Variants in THSD7B observed in about 807,000 individuals in gnomAD.
THSD7B encodes thrombospondin type 1 domain containing 7B, also known as thrombospondin type-1 domain-containing protein 7B.
A neutral mutation model predicts 213.6 loss-of-function variants in THSD7B; 138 were observed. That is an observed-to-expected ratio of 0.65 (90% confidence interval 0.56 to 0.74). The LOEUF is 0.74. Among genes scored for constraint, THSD7B ranks in the 30% least tolerant of loss-of-function variants. The pLI is 0.00. For missense variants in THSD7B, 1,931 were observed against 1,991.5 expected (o/e 0.97, Z 0.58); for synonymous variants, 742 against 687.0 (o/e 1.08, Z -1.25).
At chr2:136,783,949 T>A (rs1043422387) in intron 1 of THSD7B, among the ~76,000 whole-genome samples, 3 of 152,200 alleles carry the variant, frequency 2.0e-5, no homozygotes, top group African/African-American at 7.2e-5. Flanking sequence ...AGAGTTTCCT[T>A]GAGAGAACTT....
At chr2:137,636,813 C>T (rs563053874) in intron 20 of THSD7B, among the ~76,000 whole-genome samples, 1 of 152,260 alleles carries the variant, frequency 6.6e-6, no homozygotes, top group East Asian at 1.9e-4. Context: ...AATGCCCATT[C>T]CAGGCCTCTC....
chr2:136,872,001 T>G (rs1039829847), intron 1 of THSD7B, among the ~76,000 whole-genome samples: 1 of 152,042 alleles, frequency 6.6e-6, no homozygotes, highest in Admixed American at 6.5e-5. Context: ...TGGTTTCTCC[T>G]ATGTTCACGT....
chr2:137,276,088 A>G, intron 12 of THSD7B, 62 bp downstream of exon 12: 2 of 1,180,580 alleles, frequency 1.7e-6, no homozygotes, highest in Non-Finnish European at 2.4e-6. Flanking sequence ...TGTAACTCAT[A>G]TGTGTTGCTT....
chr2:137,000,218 C>G (rs1260095230), intron 2 of THSD7B, among the ~76,000 whole-genome samples: 1 of 152,094 alleles, frequency 6.6e-6, no homozygotes, highest in African/African-American at 2.4e-5. Flanking sequence ...CTGAGTCCCT[C>G]CTCCTTCACC....
intron 20 of THSD7B, among the ~76,000 whole-genome samples, chr2:137,630,971 C>T (rs1196335311): frequency 6.6e-6 from 1 of 152,146 alleles, no homozygotes; most frequent in African/African-American, 2.4e-5. Context: ...TGCTAGATGT[C>T]CCTGATGCTT....
At chr2:137,256,713 A>G (rs747305163) in intron 10 of THSD7B, among the ~76,000 whole-genome samples, 1 of 152,240 alleles carries the variant, frequency 6.6e-6, no homozygotes, top group Non-Finnish European at 1.5e-5. Flanking sequence ...AAAATAGTAT[A>G]GAAAATAATG....
intron 26 of THSD7B, among the ~76,000 whole-genome samples, chr2:137,665,356 G>A (rs1444610472): frequency 2.0e-5 from 3 of 152,068 alleles, no homozygotes; most frequent in Non-Finnish European, 2.9e-5. Context: ...ATATGTGTGA[G>A]TATATGTGTG....
At chr2:136,864,853 A>AT (rs1553454076) in intron 1 of THSD7B, among the ~76,000 whole-genome samples, 5 of 152,164 alleles carry the variant, frequency 3.3e-5, no homozygotes, top group Non-Finnish European at 7.3e-5. Context: ...TGCCTGGCCT[A>AT]TTTTTATACT....
rs149623517 is a variant in THSD7B at position 137,316,072 on chromosome 2, A to G, written c.2500+40046A>G. ...TAGTCTTTGATATCATCACAGAATT[A>G]TTACTTGGGTAATACAATTACTTCA... On this transcript the variant is annotated intron_variant, in intron 12 of 27. Transcript: ENST00000409968. Among the ~76,000 whole-genome samples the G allele has an allele frequency of 8.4e-3, 1,274 of 152,318 alleles. 5 individuals are homozygous for G. The highest frequency in any genetic ancestry group is 0.016 in the Admixed American group (247 of 15,310).
At chr2:137,524,624 G>T (rs916801931) in intron 15 of THSD7B, among the ~76,000 whole-genome samples, 1 of 152,152 alleles carries the variant, frequency 6.6e-6, no homozygotes, top group Admixed American at 6.5e-5. Flanking sequence ...CTTAGGTTTT[G>T]CTTTGTTTTG....
chr2:136,947,518 G>A (rs1684964565), intron 2 of THSD7B, among the ~76,000 whole-genome samples: 1 of 152,186 alleles, frequency 6.6e-6, no homozygotes, highest in South Asian at 2.1e-4. Context: ...CTGGAGGAAA[G>A]AGAGCTTAAA....
At chr2:137,028,721 G>C (rs1339578840) in intron 2 of THSD7B, among the ~76,000 whole-genome samples, 1 of 152,186 alleles carries the variant, frequency 6.6e-6, no homozygotes, top group Non-Finnish European at 1.5e-5. Context: ...GGACGCTCAA[G>C]GTGGGCAACC....
intron 12 of THSD7B, among the ~76,000 whole-genome samples, chr2:137,290,522 A>C (rs954885554): frequency 6.6e-6 from 1 of 150,522 alleles, no homozygotes; most frequent in African/African-American, 2.5e-5. Flanking sequence ...GAAACCTTAC[A>C]TGGCATCATT....
chr2:137,051,897 C>CA (rs1179522458), intron 2 of THSD7B, among the ~76,000 whole-genome samples: 3 of 152,124 alleles, frequency 2.0e-5, no homozygotes, highest in Admixed American at 6.5e-5. Context: ...TTCAGGCATC[C>CA]AGCATGCTTT....
intron 6 of THSD7B, among the ~76,000 whole-genome samples, chr2:137,163,900 G>A (rs1298206878): frequency 3.3e-5 from 5 of 152,256 alleles, no homozygotes; most frequent in African/African-American, 1.2e-4. Flanking sequence ...CTGGTTTCCT[G>A]TCTCTTTAGT....
chr2:137,119,645 T>C (rs1688511857), intron 5 of THSD7B, among the ~76,000 whole-genome samples: 1 of 152,154 alleles, frequency 6.6e-6, no homozygotes, highest in African/African-American at 2.4e-5. Flanking sequence ...AGGTAGGCCT[T>C]CTATGCTATT....
chr2:137,264,094 G>C (rs914923707), intron 10 of THSD7B, among the ~76,000 whole-genome samples: 2 of 152,102 alleles, frequency 1.3e-5, no homozygotes, highest in Non-Finnish European at 1.5e-5. Context: ...ACATGTAGCA[G>C]GTACCTCACA....
intron 1 of THSD7B, among the ~76,000 whole-genome samples, chr2:136,866,343 T>C (rs1395430374): frequency 6.6e-6 from 1 of 152,208 alleles, no homozygotes; most frequent in Non-Finnish European, 1.5e-5. Flanking sequence ...GAGTATTACT[T>C]CTTTTTCCCT....
At chr2:137,198,818 T>C (rs1478244368) in intron 7 of THSD7B, among the ~76,000 whole-genome samples, 1 of 152,210 alleles carries the variant, frequency 6.6e-6, no homozygotes, top group Non-Finnish European at 1.5e-5. Flanking sequence ...GAAGACTTTT[T>C]GGTGGTTTTC....
Sources: gnomAD v4.1 joint callset for allele counts (sites outside exome capture counted in the v4.1 genomes callset) on GRCh38, gnomAD v4.1.1 for gene constraint, MANE v1.5 for transcripts, NCBI Gene and HGNC (gene_info 2026-07-23, HGNC 2026-07-21) for gene names.